The following NEMP2 variants were observed in gnomAD, a reference collection of about 807,000 sequenced individuals.
The protein encoded by NEMP2 is UPF0571 transmembrane protein.
Under a neutral mutation model 54.2 loss-of-function variants are expected in NEMP2, and 53 were observed. The observed-to-expected ratio is 0.98, with a 90% CI of 0.78 to 1.23. NEMP2 has a LOEUF of 1.23. NEMP2 is among the 50% of genes most tolerant of loss of function. The pLI is 0.00. For synonymous variants in NEMP2, 197 were observed against 190.3 expected (o/e 1.04, Z -0.29); for missense variants, 455 against 511.3 (o/e 0.89, Z 1.06).
chr2:190,436,098 A>G, the NEMP2 span: 1 of 1,614,114 alleles, frequency 6.2e-7, no homozygotes, highest in African/African-American at 1.3e-5. This position sits in a 1 kb window ranked among gnomAD's most constrained non-coding sequence, Gnocchi z 5.3. Context: ...ATGTGCTTGC[A>G]GATCCCTTTA....
At position 190,516,404 on chromosome 2, in the gene NEMP2, A is replaced by C; in HGVS notation, c.613-20T>G. 1.3e-6 allele frequency: 2 copies of C among 1,517,162 alleles called. No homozygotes were observed. The highest frequency in any genetic ancestry group is 4.6e-5 in the Admixed American group (2 of 43,488). The allele number at this position is 1,517,162 out of a possible 1,614,324, so 94.0% of individuals were successfully genotyped here. A position where few individuals can be genotyped will look rare whatever the true frequency, so the allele number is the denominator to read the frequency against. On this transcript the variant is annotated intron_variant, in intron 5 of 8. Transcript: ENST00000409150. ...GCTATACTGTGTGTGGAAGAAAATAAATGACACATTTTTTGGTTCATTCAC... is the reference window on the plus strand; with the variant it reads ...GCTATACTGTGTGTGGAAGAAAATACATGACACATTTTTTGGTTCATTCAC...
chr2:190,527,083 T>A lies in NEMP2; in HGVS notation c.98-1705A>T, dbSNP rs575637472. 5.4e-4 allele frequency among the ~76,000 whole-genome samples: 83 copies of A among 152,320 alleles called. 1 individual carries two copies. Among genetic ancestry groups the A allele is most frequent in the African/African-American group, 1.9e-3 (80 of 41,576 alleles). On this transcript the variant is annotated intron_variant, in intron 1 of 8. Coordinates refer to ENST00000409150, the MANE Select transcript of NEMP2 (RefSeq NM_001142645.2). This position sits in a 1 kb window ranked among gnomAD's most constrained non-coding sequence, Gnocchi z 4.0. ...CAAGATAGAGTGTCACCTCCACATC[T>A]GTTCTTTAGGAAACAGGAACAAGGA...
the NEMP2 span, among the ~76,000 whole-genome samples, chr2:190,464,424 C>T: frequency 2.0e-5 from 3 of 152,152 alleles, no homozygotes; most frequent in Admixed American, 2.0e-4. Context: ...TTAGGTCTTT[C>T]TTTGCTGCTC....
chr2:190,450,734 C>T, the NEMP2 span, among the ~76,000 whole-genome samples: 12 of 152,254 alleles, frequency 7.9e-5, no homozygotes, highest in Admixed American at 7.2e-4. Flanking sequence ...CTCAAGTGAT[C>T]TGCCCACCTC....
At chr2:190,576,485 A>C in the NEMP2 span, among the ~76,000 whole-genome samples, 1 of 152,244 alleles carries the variant, frequency 6.6e-6, no homozygotes, top group African/African-American at 2.4e-5. Context: ...ATCAAAATGC[A>C]GCTAAGCATT....
Position 190,505,022 on chromosome 2 carries a change from A to C in NEMP2, c.*4167T>G, listed in dbSNP as rs540852315. On this transcript the variant is annotated 3_prime_UTR_variant, in exon 9 of 9. Transcript: ENST00000409150. The surrounding 1 kb of genome is among the most constrained non-coding windows in gnomAD (Gnocchi z 5.8). ...GTATCTTACAAAAGTATTACTAGTG[A>C]TGAACTAGAGGGAAACTGGTCCATC... is the stretch of plus-strand genomic sequence containing the variant. 6.6e-6 allele frequency: 1 copy of C among 152,294 alleles called. No homozygotes were observed. The highest frequency in any genetic ancestry group is 2.4e-5 in the African/African-American group (1 of 41,566). 9.4% of individuals were successfully genotyped at this position (152,294 alleles called of 1,614,324 possible). A position where few individuals can be genotyped will look rare whatever the true frequency, so the allele number is the denominator to read the frequency against.
At chr2:190,497,479 T>G in the NEMP2 span, 1 of 1,614,142 alleles carries the variant, frequency 6.2e-7, no homozygotes, top group Non-Finnish European at 8.5e-7. This position sits in a 1 kb window ranked among gnomAD's most constrained non-coding sequence, Gnocchi z 5.2. Flanking sequence ...TTCCCTCCAG[T>G]CCCGTTCCTA....
the NEMP2 span, among the ~76,000 whole-genome samples, chr2:190,484,475 C>T: frequency 3.9e-5 from 6 of 152,118 alleles, no homozygotes; most frequent in African/African-American, 1.2e-4. Flanking sequence ...ATGTCGTTTT[C>T]GGTAGCACAA....
chr2:190,537,887 G>A (rs1285854031), upstream of NEMP2, among the ~76,000 whole-genome samples: 1 of 152,180 alleles, frequency 6.6e-6, no homozygotes, highest in Non-Finnish European at 1.5e-5. Context: ...CAGAGGCCTA[G>A]GAGGGAAAAA....
chr2:190,594,986 A>G, the NEMP2 span, among the ~76,000 whole-genome samples: 5 of 152,218 alleles, frequency 3.3e-5, no homozygotes, highest in African/African-American at 1.2e-4. This position sits in a 1 kb window ranked among gnomAD's most constrained non-coding sequence, Gnocchi z 5.6. Context: ...ATCCACACAT[A>G]CAATTTTTAA....
chr2:190,480,035 C>T, the NEMP2 span, among the ~76,000 whole-genome samples: 4 of 152,124 alleles, frequency 2.6e-5, no homozygotes, highest in South Asian at 2.1e-4. Flanking sequence ...TGGTGGCATG[C>T]GCCTGTGGTC....
chr2:190,537,034 A>C (rs1027918573), upstream of NEMP2, among the ~76,000 whole-genome samples: 44 of 152,362 alleles, frequency 2.9e-4, no homozygotes, highest in African/African-American at 1.1e-3. Flanking sequence ...ATCAAGAGGT[A>C]AAACAGAACC....
chr2:190,525,398 A>T lies in NEMP2; in HGVS notation c.98-20T>A. 7.1e-7 allele frequency: 1 copy of T among 1,404,456 alleles called. No homozygotes were observed. The highest frequency in any genetic ancestry group is 9.8e-7 in the Non-Finnish European group (1 of 1,020,736). 87.0% of individuals were successfully genotyped at this position (1,404,456 alleles called of 1,614,324 possible). A position where few individuals can be genotyped will look rare whatever the true frequency, so the allele number is the denominator to read the frequency against. ...TACGAACTGAGAGATGGAAAAGGGAATGCATTTTCTAACTGTTTAATTGCC... is the reference window on the plus strand; with the variant it reads ...TACGAACTGAGAGATGGAAAAGGGATTGCATTTTCTAACTGTTTAATTGCC... On this transcript the variant is annotated intron_variant, in intron 1 of 8. Transcript: ENST00000409150. The surrounding 1 kb of genome is among the most constrained non-coding windows in gnomAD (Gnocchi z 5.0).
At chr2:190,584,939 G>A in the NEMP2 span, among the ~76,000 whole-genome samples, 71 of 146,018 alleles carry the variant, frequency 4.9e-4, no homozygotes, top group African/African-American at 1.8e-3. This position sits in a 1 kb window ranked among gnomAD's most constrained non-coding sequence, Gnocchi z 4.2. Context: ...AAGAAAGAAA[G>A]AAAGAAAGAA....
chr2:190,507,788 T>C lies in NEMP2; in HGVS notation c.*1401A>G, dbSNP rs973044446. ...ATAGTCATGCTCTTTTTTCATGATT[T>C]AGAAAAACTACTTAATTTGGCTCAG... On this transcript the variant is annotated 3_prime_UTR_variant, in exon 9 of 9. Coordinates refer to ENST00000409150, the MANE Select transcript of NEMP2 (RefSeq NM_001142645.2). This position sits in a 1 kb window ranked among gnomAD's most constrained non-coding sequence, Gnocchi z 4.4. 3 of 152,216 alleles carry C rather than the reference T, an allele frequency of 2.0e-5. No homozygotes were observed. Among genetic ancestry groups the C allele is most frequent in the African/African-American group, 4.8e-5 (2 of 41,452 alleles). The allele number at this position is 152,216 out of a possible 1,614,324, so 9.4% of individuals were successfully genotyped here. A position where few individuals can be genotyped will look rare whatever the true frequency, so the allele number is the denominator to read the frequency against.
the NEMP2 span, among the ~76,000 whole-genome samples, chr2:190,455,817 A>T: frequency 2.6e-5 from 4 of 152,010 alleles, no homozygotes; most frequent in East Asian, 7.7e-4. Flanking sequence ...GTTGGAAAAA[A>T]CTATATCAGT....
the NEMP2 span, among the ~76,000 whole-genome samples, chr2:190,544,351 A>G: frequency 3.3e-5 from 5 of 152,164 alleles, no homozygotes; most frequent in East Asian, 9.6e-4. Flanking sequence ...ATGATATTGT[A>G]TAGGATTAGA....
the NEMP2 span, among the ~76,000 whole-genome samples, chr2:190,476,998 G>T: frequency 2.2e-5 from 3 of 136,512 alleles, no homozygotes; most frequent in African/African-American, 8.3e-5. Context: ...GGTGGGAATT[G>T]AACAATGTGA....
the NEMP2 span, among the ~76,000 whole-genome samples, chr2:190,586,186 T>C: frequency 2.0e-5 from 3 of 152,314 alleles, no homozygotes; most frequent in East Asian, 3.9e-4. This position sits in a 1 kb window ranked among gnomAD's most constrained non-coding sequence, Gnocchi z 4.5. Context: ...ACAATACAAC[T>C]TTTAAAAAAT....
Sources: gnomAD v4.1 joint callset for allele counts (sites outside exome capture counted in the v4.1 genomes callset) on GRCh38, gnomAD v4.1.1 for gene constraint, Gnocchi (gnomAD v3.1) non-coding constraint, MANE v1.5 for transcripts, NCBI Gene and HGNC (gene_info 2026-07-23, HGNC 2026-07-21) for gene names.